DENND6A: variants seen among roughly 807,000 people sequenced by gnomAD.
The protein encoded by DENND6A is protein DENND6A.
A neutral mutation model predicts 95.5 loss-of-function variants in DENND6A; 43 were observed. The observed-to-expected ratio is 0.45, with a 90% CI of 0.35 to 0.58. The LOEUF is 0.58. Ranked by LOEUF, DENND6A falls within the 20% of genes least tolerant of loss-of-function variation. The pLI, the probability that DENND6A is intolerant of heterozygous loss-of-function variation, is 0.00. For synonymous variants in DENND6A, 257 were observed against 260.4 expected (o/e 0.99, Z 0.13); for missense variants, 574 against 736.0 (o/e 0.78, Z 2.55).
In DENND6A at chr3:57,634,717, C is replaced by T. The variant is rs903655805; in HGVS notation, c.1185G>A (p.Leu395=). The T allele has an allele frequency of 1.3e-5, 20 of 1,565,358 alleles. No homozygotes were observed. Among genetic ancestry groups the T allele is most frequent in the Non-Finnish European group, 1.7e-5 (20 of 1,155,822 alleles). ...KVKKLKNLKT[L]DSKPGVYTSY... is the part of the protein sequence containing the mutation. ...AAAAGTCAATACCAGGTTTGGAATC[C>T]AGAGTCTTTAGATTCTTCAGTTTTT... Residue 395 remains leucine, a synonymous_variant, in exon 13 of 20, where the codon CTG becomes CTA. Coordinates refer to ENST00000311128, the MANE Select transcript of DENND6A (RefSeq NM_152678.3).
intron 1 of DENND6A, among the ~76,000 whole-genome samples, chr3:57,690,232 G>A (rs998040973): frequency 8.5e-5 from 13 of 152,048 alleles, no homozygotes; most frequent in Admixed American, 5.2e-4. Flanking sequence ...CAGGCCAGGC[G>A]CGGTGGCTCA....
chr3:57,651,004 G>C (rs2071197852), intron 9 of DENND6A, among the ~76,000 whole-genome samples: 1 of 152,006 alleles, frequency 6.6e-6, no homozygotes, highest in Non-Finnish European at 1.5e-5. Context: ...GACTGGTCTC[G>C]AACTCCCGAT....
chr3:57,654,763 C>A (rs1207998037), intron 9 of DENND6A: 5 of 985,258 alleles, frequency 5.1e-6, no homozygotes, highest in Non-Finnish European at 6.0e-6. Context: ...TCAACTGTAT[C>A]TCTGCTACTC....
intron 7 of DENND6A, 41 bp from the exon 8 acceptor site, chr3:57,659,221 T>C (rs1349517691): frequency 1.2e-6 from 2 of 1,606,028 alleles, no homozygotes; most frequent in Non-Finnish European, 1.7e-6. Context: ...TATAAAAGAA[T>C]GGAGGATGAG....
chr3:57,677,419 CTTTTTTTT>C (rs71088101), intron 1 of DENND6A, among the ~76,000 whole-genome samples: 3 of 68,708 alleles, frequency 4.4e-5, no homozygotes, highest in African/African-American at 1.8e-4. Context: ...CTTTGTTGTC[CTTTTTTTT>C]TTTTTTTTTT....
Position 57,628,221 on chromosome 3 carries a change from A to T in DENND6A, c.1820T>A (p.Met607Lys), listed in dbSNP as rs1241094757. 1.2e-6 allele frequency: 2 copies of T among 1,612,704 alleles called. No individual in the cohort carries two copies. Among genetic ancestry groups the T allele is most frequent in the Non-Finnish European group, 1.7e-6 (2 of 1,179,574 alleles). The change falls in exon 20 of 20, where the codon ATG becomes AAG. Residue 607 changes from methionine (M) to lysine (K), a missense_variant. This residue lies in a region of DENND6A where 452 missense variants were observed against 630.9 expected (regional missense o/e 0.72). Transcript: ENST00000311128. ...GGAAAATCTTGGCAAATATCATGTC[A>T]TGCCCGTTTTGAGCAGTATGCCTTG... ...DLQGILLKTG[M>K]T
At chr3:57,628,970 G>A (rs2070596565) in intron 18 of DENND6A, 85 bp from the exon 19 acceptor site, 5 of 1,200,074 alleles carry the variant, frequency 4.2e-6, no homozygotes, top group Non-Finnish European at 1.2e-6. Context: ...TACTGTGAAG[G>A]AAAGACAAGA....
chr3:57,659,215 A>G lies in DENND6A; in HGVS notation c.700-35T>C, dbSNP rs755690832. 8 of 1,609,154 alleles carry G rather than the reference A, an allele frequency of 5.0e-6. No individual in the cohort carries two copies. In the East Asian group the frequency reaches 1.6e-4, roughly 31 times the overall value. ...AGACAGGAAATTATTTTTGGTTATA[A>G]AAGAATGGAGGATGAGAAGTGCTGT... On this transcript the variant is annotated intron_variant, in intron 7 of 19. Transcript: ENST00000311128.
chr3:57,685,476 T>A (rs955926054), intron 1 of DENND6A, among the ~76,000 whole-genome samples: 4 of 152,082 alleles, frequency 2.6e-5, no homozygotes, highest in African/African-American at 9.7e-5. Flanking sequence ...CAGTTGGACA[T>A]CCCAAATCCA....
At chr3:57,683,695 T>C (rs1273668895) in intron 1 of DENND6A, among the ~76,000 whole-genome samples, 2 of 152,198 alleles carry the variant, frequency 1.3e-5, no homozygotes, top group Non-Finnish European at 2.9e-5. Flanking sequence ...TTAAGAATTT[T>C]AGTTCAAGCT....
chr3:57,636,556 G>A lies in DENND6A; in HGVS notation c.1133-1787C>T, dbSNP rs554669306. Among the ~76,000 whole-genome samples, 4 of 152,246 alleles carry A rather than the reference G, an allele frequency of 2.6e-5. No homozygotes were observed. In the East Asian group the frequency reaches 7.7e-4, roughly 29 times the overall value. ...AGAATTATGAACAAGATACTACGGA[G>A]ACACAGAAGAGTGTCCTGGCCAAAG... On this transcript the variant is annotated intron_variant, in intron 12 of 19. Coordinates refer to ENST00000311128, the MANE Select transcript of DENND6A (RefSeq NM_152678.3).
At chr3:57,643,614 G>A (rs2070998827) in intron 11 of DENND6A, among the ~76,000 whole-genome samples, 2 of 151,928 alleles carry the variant, frequency 1.3e-5, no homozygotes, top group African/African-American at 2.4e-5. Flanking sequence ...GATCACTTGA[G>A]GTCAGGAGTT....
chr3:57,656,754 C>T (rs868855338), intron 9 of DENND6A, among the ~76,000 whole-genome samples: 3 of 152,010 alleles, frequency 2.0e-5, no homozygotes, highest in Non-Finnish European at 2.9e-5. Flanking sequence ...GTCAGGAGTT[C>T]GAGACCAGCC....
intron 15 of DENND6A, among the ~76,000 whole-genome samples, chr3:57,631,943 T>C (rs1476208302): frequency 1.5e-4 from 22 of 146,804 alleles, no homozygotes; most frequent in South Asian, 6.6e-4. Context: ...AGGATGGTCT[T>C]GATCTCCTGA....
chr3:57,675,439 T>C (rs1262696312), intron 1 of DENND6A, among the ~76,000 whole-genome samples: 1 of 152,144 alleles, frequency 6.6e-6, no homozygotes, highest in Non-Finnish European at 1.5e-5. Flanking sequence ...GTAATACACA[T>C]CCTAACTACT....
Position 57,633,681 on chromosome 3 carries a change from G to A in DENND6A, c.1264-327C>T, listed in dbSNP as rs1459006067. 2.0e-5 allele frequency among the ~76,000 whole-genome samples: 3 copies of A among 152,082 alleles called. No homozygotes were observed. In the East Asian group the frequency reaches 5.8e-4, roughly 29 times the overall value. ...AGGTGGGTGGATTACCTGAGGTCAG[G>A]GGCTCAGGACCAGCCTGGCCATCAT... On this transcript the variant is annotated intron_variant, in intron 14 of 19. Transcript: ENST00000311128.
chr3:57,679,434 C>G, intron 1 of DENND6A: 1 of 924,826 alleles, frequency 1.1e-6, no homozygotes, highest in Non-Finnish European at 1.3e-6. Context: ...CTCTTCTTCA[C>G]TTCAATTTTT....
chr3:57,646,068 G>C (rs2071073752), intron 10 of DENND6A, among the ~76,000 whole-genome samples: 1 of 152,166 alleles, frequency 6.6e-6, no homozygotes, highest in Middle Eastern at 3.2e-3. Context: ...TTCATGTAAT[G>C]AATCAATGTG....
At chr3:57,631,980 C>A in intron 15 of DENND6A, among the ~76,000 whole-genome samples, 1 of 147,424 alleles carries the variant, frequency 6.8e-6, no homozygotes, top group African/African-American at 2.5e-5. Flanking sequence ...CCTCGGCCTC[C>A]CAAAGTGCTG....
Sources: allele counts gnomAD v4.1 joint callset (sites outside exome capture counted in the v4.1 genomes callset), GRCh38; gene constraint gnomAD v4.1.1; regional missense constraint gnomAD v4.1.1; transcripts MANE v1.5; gene names NCBI Gene and HGNC (gene_info 2026-07-23, HGNC 2026-07-21).